The following ACADVL variants were observed in gnomAD, a reference collection of about 807,000 sequenced individuals.
ACADVL encodes the protein very long-chain acyl-CoA dehydrogenase, mitochondrial.
In ACADVL, 73 loss-of-function variants were observed where a neutral mutation model predicts 80.4. The observed-to-expected ratio is 0.91, with a 90% CI of 0.75 to 1.10. The LOEUF (loss-of-function observed/expected upper bound fraction) is 1.10, where lower values mean the gene tolerates loss of function less well. Ranked by LOEUF, ACADVL falls within the 50% of genes least tolerant of loss-of-function variation. The pLI is 0.00. For missense variants in ACADVL, 878 were observed against 858.9 expected, an observed-to-expected ratio of 1.02 and a Z score of -0.28; for synonymous variants, 392 against 326.5, an observed-to-expected ratio of 1.20 and a Z score of -2.16.
Position 7,223,739 on chromosome 17 carries a change from C to G in ACADVL, c.1269+9C>G, listed in dbSNP as rs2142984643. On this transcript the variant is annotated intron_variant, in intron 12 of 19. Transcript: ENST00000356839. ...GCAAAATCTTTGGCTCGGTGAGGTC[C>G]CAGGCATGCTGGGAGGGAGTCCAGT... The G allele has an allele frequency of 6.2e-7, 1 of 1,614,074 alleles. No homozygotes were observed. Among genetic ancestry groups the G allele is most frequent in the Non-Finnish European group, 8.5e-7 (1 of 1,180,020 alleles).
upstream of ACADVL, chr17:7,218,397 G>T: frequency 7.2e-7 from 1 of 1,392,130 alleles, no homozygotes; most frequent in Non-Finnish European, 1.0e-6. Context: ...AGCCAAGGCT[G>T]GTCCACACTC....
Position 7,222,871 on chromosome 17 carries a change from T to G in ACADVL, c.1077+6T>G. The stretch of plus-strand genomic sequence containing the variant: ...GAGGCATCATTGCTAAGGCGGTGAG[T>G]ACCCTGCCCGAGTCCCTAGGTAACC... On this transcript the variant is annotated splice_donor_region_variant and intron_variant, in intron 10 of 19. Coordinates refer to ENST00000356839, the MANE Select transcript of ACADVL (RefSeq NM_000018.4). 1 of 1,610,428 alleles carries G rather than the reference T, an allele frequency of 6.2e-7. No homozygotes were observed. Among genetic ancestry groups the G allele is most frequent in the South Asian group, 1.1e-5 (1 of 90,984 alleles).
rs1402646371 is a variant in ACADVL, at chr17:7,222,843, TGA to T, written c.1059_1060del (p.Gly354HisfsTer4). The T allele has an allele frequency of 6.2e-7, 1 of 1,612,626 alleles. No individual in the cohort carries two copies. The highest frequency in any genetic ancestry group is 8.5e-7 in the Non-Finnish European group (1 of 1,179,978). On this transcript the variant is annotated frameshift_variant, in exon 10 of 20. Coordinates refer to ENST00000356839, the MANE Select transcript of ACADVL (RefSeq NM_000018.4). LOFTEE classifies it high-confidence loss of function. ...ATGGCTGCGGCCCTGGCAGGTACCA[TGA>T]GAGGCATCATTGCTAAGGCGGTGAG...
At chr17:7,221,323 C>T in intron 6 of ACADVL, 2 of 930,464 alleles carry the variant, frequency 2.1e-6, no homozygotes, top group Non-Finnish European at 1.6e-6. Context: ...AGTAGCAAGT[C>T]ACCCTCCTAC....
chr17:7,221,746 G>C, intron 7 of ACADVL, 64 bp downstream of exon 7: 2 of 1,610,808 alleles, frequency 1.2e-6, no homozygotes, highest in East Asian at 4.5e-5. Flanking sequence ...GATTAGGCCA[G>C]TTGGCACTTA....
At chr17:7,217,503 G>C, upstream of ACADVL, 1 of 240,472 alleles carries the variant, frequency 4.2e-6, no homozygotes, top group African/African-American at 2.7e-5. Context: ...GGAGCCCCGG[G>C]GTAGGGGGGG....
upstream of ACADVL, chr17:7,218,367 G>A: frequency 6.8e-7 from 1 of 1,479,732 alleles, no homozygotes; most frequent in Non-Finnish European, 9.3e-7. Context: ...CTGGCTGGCT[G>A]GCAAGGGAGG....
intron 11 of ACADVL, 147 bp from the exon 12 acceptor site, chr17:7,223,497 G>A: frequency 1.1e-6 from 1 of 939,160 alleles, no homozygotes; most frequent in Non-Finnish European, 1.8e-6. Flanking sequence ...CAAATACCTG[G>A]AAGCACCTGA....
Position 7,220,104 on chromosome 17 carries a change from A to G in ACADVL, c.63-18A>G, listed in dbSNP as rs1481782237. 1 of 1,586,120 alleles carries G rather than the reference A, an allele frequency of 6.3e-7. No homozygotes were observed. The highest frequency in any genetic ancestry group is 8.5e-7 in the Non-Finnish European group (1 of 1,174,024). ...GGCCCTGGGCACCGGGCCGGCACTG[A>G]ACCCCCACTCCCCACAGCTCGCGGC... On this transcript the variant is annotated intron_variant, in intron 1 of 19. Transcript: ENST00000356839.
At position 7,222,879 on chromosome 17, in the gene ACADVL, C is replaced by T. The variant is rs1434151053; in HGVS notation, c.1077+14C>T. ...ATTGCTAAGGCGGTGAGTACCCTGC[C>T]CGAGTCCCTAGGTAACCCAAACAGA... On this transcript the variant is annotated intron_variant, in intron 10 of 19. Coordinates refer to ENST00000356839, the MANE Select transcript of ACADVL (RefSeq NM_000018.4). 6.2e-7 allele frequency: 1 copy of T among 1,609,616 alleles called. No homozygotes were observed.
At chr17:7,224,420 C>A (rs796823205) in intron 16 of ACADVL, 27 bp downstream of exon 16, 1 of 1,613,824 alleles carries the variant, frequency 6.2e-7, no homozygotes, top group South Asian at 1.1e-5. Context: ...CCAGGAGAGC[C>A]TGCATCAGGG....
chr17:7,217,888 C>T (rs1330844254), upstream of ACADVL: 19 of 1,433,702 alleles, frequency 1.3e-5, no homozygotes, highest in Admixed American at 1.4e-4. Context: ...TATTTGAATA[C>T]GGGAGGGAGG....
At chr17:7,218,771 G>A (rs1265059475), upstream of ACADVL, 20 of 1,604,910 alleles carry the variant, frequency 1.2e-5, no homozygotes, top group East Asian at 6.7e-5. Flanking sequence ...AAGGATCTCC[G>A]AGCCCCAGCC....
Position 7,225,093 on chromosome 17 carries a change from T to A in ACADVL, c.1964T>A (p.Phe655Tyr), listed in dbSNP as rs377659973. 4 of 1,614,058 alleles carry A rather than the reference T, an allele frequency of 2.5e-6. No homozygotes were observed. The highest frequency in any genetic ancestry group is 1.7e-5 in the Admixed American group (1 of 60,026). Residue 655 changes from phenylalanine to tyrosine, a missense_variant, in exon 20 of 20, where the codon TTC becomes TAC. Coordinates refer to ENST00000356839, the MANE Select transcript of ACADVL (RefSeq NM_000018.4). ...GGVVTSNPLGF is the reference protein window; with the variant it reads ...GGVVTSNPLGY Reference sequence around the variant, plus strand: ...GTGGTCACCAGCAACCCACTTGGCTTCTGAATACTCCCGGCCAGGGCCTGT... The same window carrying A: ...GTGGTCACCAGCAACCCACTTGGCTACTGAATACTCCCGGCCAGGGCCTGT...
At chr17:7,217,626 GGA>G, upstream of ACADVL, 1 of 1,406,480 alleles carries the variant, frequency 7.1e-7, no homozygotes, top group East Asian at 2.8e-5. Flanking sequence ...GGAGAGAGGA[GGA>G]GAGAGGAAGC....
At chr17:7,218,170 G>C (rs1325737576), upstream of ACADVL, 7 of 1,358,968 alleles carry the variant, frequency 5.2e-6, no homozygotes, top group Middle Eastern at 1.8e-4. Context: ...GGTAATATTA[G>C]TGATATTTGG....
upstream of ACADVL, chr17:7,218,274 C>T: frequency 1.2e-6 from 2 of 1,609,254 alleles, no homozygotes; most frequent in East Asian, 2.2e-5. Flanking sequence ...CATAATAGTC[C>T]AGGATGTCTG....
In ACADVL at chr17:7,222,697, G is replaced by C; in HGVS notation, c.909G>C (p.Lys303Asn). The change falls in exon 10 of 20, where the codon AAG becomes AAC. Residue 303 changes from lysine to asparagine, a missense_variant. By Grantham distance (94) the Lys-to-Asn change is moderately conservative. Coordinates refer to ENST00000356839, the MANE Select transcript of ACADVL (RefSeq NM_000018.4). Reference protein sequence around the residue: ...HGPPEKKMGIKASNTAEVFFD... With the variant: ...HGPPEKKMGINASNTAEVFFD... ...CCCCTGAGAAGAAGATGGGCATCAAGGCTTCAAACACAGCAGAGGTGTTCT... is the reference window on the plus strand; with the variant it reads ...CCCCTGAGAAGAAGATGGGCATCAACGCTTCAAACACAGCAGAGGTGTTCT... 1 of 1,614,106 alleles carries C rather than the reference G, an allele frequency of 6.2e-7. No individual in the cohort carries two copies. Among genetic ancestry groups the C allele is most frequent in the South Asian group, 1.1e-5 (1 of 91,062 alleles).
intron 6 of ACADVL, 27 bp from the exon 7 acceptor site, chr17:7,221,511 A>C (rs1567562981): frequency 2.5e-6 from 4 of 1,611,424 alleles, no homozygotes; most frequent in East Asian, 2.2e-5. Context: ...AGCCAGTGAC[A>C]ACCCCAGATT....
Sources: allele counts gnomAD v4.1 joint callset, GRCh38; gene constraint gnomAD v4.1.1; transcripts MANE v1.5; gene names NCBI Gene and HGNC (gene_info 2026-07-23, HGNC 2026-07-21).